DYNC1I1: variants seen among roughly 807,000 people sequenced by gnomAD.
The protein encoded by DYNC1I1 is cytoplasmic dynein 1 intermediate chain 1.
DYNC1I1 carries 43 observed loss-of-function variants against 86.6 expected under a neutral mutation model. The ratio of observed to expected loss-of-function variants is 0.50; its 90% CI spans 0.39 to 0.64. The LOEUF (loss-of-function observed/expected upper bound fraction) is 0.64, where lower values mean the gene tolerates loss of function less well. Among genes scored for constraint, DYNC1I1 ranks in the 30% least tolerant of loss-of-function variants. The pLI is 0.00. For synonymous variants in DYNC1I1, 262 were observed against 283.7 expected (o/e 0.92, Z 0.77); for missense variants, 604 against 788.8 (o/e 0.77, Z 2.81).
In DYNC1I1 at chr7:95,887,709, A is replaced by G. The variant is rs1008772519; in HGVS notation, c.490+17711A>G. Reference sequence around the variant, plus strand: ...TCTGTCTTTGGAGAAAAGAGTTAATATCCTCCATTTCTGATGATGCTTGAA... The same window carrying G: ...TCTGTCTTTGGAGAAAAGAGTTAATGTCCTCCATTTCTGATGATGCTTGAA... On this transcript the variant is annotated intron_variant, in intron 6 of 16. Transcript: ENST00000447467. Among the ~76,000 whole-genome samples the G allele has an allele frequency of 2.0e-5, 3 of 152,148 alleles. No homozygotes were observed. The East Asian group carries it at 5.8e-4, about 29-fold the overall frequency.
intron 6 of DYNC1I1, among the ~76,000 whole-genome samples, chr7:95,927,471 A>C (rs10263632): frequency 2.0e-4 from 31 of 152,312 alleles, no homozygotes; most frequent in African/African-American, 7.5e-4. Flanking sequence ...TTATTGGATT[A>C]ACTGAGAATA....
chr7:95,922,613 G>A (rs1791640279), intron 6 of DYNC1I1, among the ~76,000 whole-genome samples: 1 of 152,020 alleles, frequency 6.6e-6, no homozygotes, highest in Non-Finnish European at 1.5e-5. Context: ...ACAACGAGCT[G>A]GGACATATGT....
rs956592817 is a variant in DYNC1I1 at position 95,829,345 on chromosome 7, C to T, written c.374+1229C>T. 5.3e-5 allele frequency among the ~76,000 whole-genome samples: 8 copies of T among 152,020 alleles called. No individual in the cohort carries two copies. The East Asian group carries it at 5.8e-4, about 11-fold the overall frequency. On this transcript the variant is annotated intron_variant, in intron 5 of 16. Transcript: ENST00000447467. The stretch of plus-strand genomic sequence containing the variant: ...GGAAATATCCTAACATTTAGGTAAC[C>T]GATGCACTATTTCTTTTTTAACCTT...
chr7:96,004,238 T>A (rs1794085894), intron 10 of DYNC1I1, among the ~76,000 whole-genome samples: 3 of 152,214 alleles, frequency 2.0e-5, no homozygotes, highest in Admixed American at 2.0e-4. Flanking sequence ...GTTCATTATT[T>A]GCCAAAGACT....
At chr7:96,027,680 G>C (rs1189800136) in intron 10 of DYNC1I1, among the ~76,000 whole-genome samples, 1 of 152,052 alleles carries the variant, frequency 6.6e-6, no homozygotes, top group Non-Finnish European at 1.5e-5. Context: ...TACATTAAGG[G>C]AAAAACAAAA....
chr7:95,798,747 C>T (rs1322862049), intron 1 of DYNC1I1, among the ~76,000 whole-genome samples: 4 of 152,112 alleles, frequency 2.6e-5, no homozygotes, highest in Non-Finnish European at 4.4e-5. Context: ...AAAAGCTAAG[C>T]TTTGGGAGGT....
intron 6 of DYNC1I1, among the ~76,000 whole-genome samples, chr7:95,922,442 C>G (rs376705328): frequency 6.6e-6 from 1 of 152,052 alleles, no homozygotes. Context: ...CTATTTTGCT[C>G]GGTTTGCCTT....
At chr7:95,902,658 A>G (rs181871617) in intron 6 of DYNC1I1, among the ~76,000 whole-genome samples, 9 of 152,262 alleles carry the variant, frequency 5.9e-5, no homozygotes, top group African/African-American at 9.6e-5. Flanking sequence ...GCATTTTTTT[A>G]TAGTATTATT....
chr7:96,015,700 A>G (rs185404174), intron 10 of DYNC1I1, among the ~76,000 whole-genome samples: 2 of 152,202 alleles, frequency 1.3e-5, no homozygotes, highest in African/African-American at 4.8e-5. Context: ...AAATGAACCC[A>G]CAAGGACACA....
At chr7:95,890,548 C>T (rs184308662) in intron 6 of DYNC1I1, among the ~76,000 whole-genome samples, 135 of 151,626 alleles carry the variant, frequency 8.9e-4, no homozygotes, top group Non-Finnish European at 1.6e-3. Flanking sequence ...ACAAATTTAC[C>T]CATATAAAAA....
At chr7:95,877,409 C>A (rs1790339457) in intron 6 of DYNC1I1, among the ~76,000 whole-genome samples, 1 of 152,182 alleles carries the variant, frequency 6.6e-6, no homozygotes. Flanking sequence ...GTACCCTACT[C>A]TCCCACACAG....
At chr7:95,955,343 G>T (rs1208557510) in intron 6 of DYNC1I1, among the ~76,000 whole-genome samples, 6 of 151,348 alleles carry the variant, frequency 4.0e-5, no homozygotes, top group African/African-American at 1.5e-4. Flanking sequence ...TTTTTTTAAA[G>T]ACAAGATCCC....
At chr7:95,977,487 G>A in intron 6 of DYNC1I1, 25 bp from the exon 7 acceptor site, 1 of 1,602,592 alleles carries the variant, frequency 6.2e-7, no homozygotes, top group Non-Finnish European at 8.5e-7. Flanking sequence ...AGAAAATATT[G>A]TATTTTTCTC....
intron 5 of DYNC1I1, among the ~76,000 whole-genome samples, chr7:95,856,454 T>G (rs983782983): frequency 1.3e-5 from 2 of 152,210 alleles, no homozygotes; most frequent in Non-Finnish European, 2.9e-5. Flanking sequence ...AAGCAGATAA[T>G]GTACTACAGA....
chr7:95,792,569 C>G (rs1480088586), intron 1 of DYNC1I1, among the ~76,000 whole-genome samples: 2 of 152,214 alleles, frequency 1.3e-5, no homozygotes, highest in Non-Finnish European at 2.9e-5. Flanking sequence ...CTTCATTCTT[C>G]ATGAAGCCTA....
At chr7:95,936,324 A>G (rs921905614) in intron 6 of DYNC1I1, among the ~76,000 whole-genome samples, 23 of 152,002 alleles carry the variant, frequency 1.5e-4, no homozygotes, top group African/African-American at 5.3e-4. Context: ...GTAATGAACC[A>G]TTTCCCTGGA....
At chr7:96,049,722 A>G (rs1172913311) in intron 14 of DYNC1I1, among the ~76,000 whole-genome samples, 1 of 152,148 alleles carries the variant, frequency 6.6e-6, no homozygotes, top group African/African-American at 2.4e-5. Flanking sequence ...CTGCAATATA[A>G]TACTTTGTTG....
intron 5 of DYNC1I1, among the ~76,000 whole-genome samples, chr7:95,868,182 G>A (rs570065713): frequency 1.3e-5 from 2 of 152,328 alleles, no homozygotes; most frequent in East Asian, 3.9e-4. Flanking sequence ...TCAGGCCTGC[G>A]TGGAGCCTGG....
At chr7:95,980,320 T>A (rs1289748954) in intron 7 of DYNC1I1, among the ~76,000 whole-genome samples, 2 of 151,438 alleles carry the variant, frequency 1.3e-5, no homozygotes, top group Admixed American at 6.6e-5. Flanking sequence ...TTTTTTTTTT[T>A]AAAGCAAGAC....
Sources: allele counts gnomAD v4.1 joint callset (sites outside exome capture counted in the v4.1 genomes callset), GRCh38; gene constraint gnomAD v4.1.1; transcripts MANE v1.5; gene names NCBI Gene and HGNC (gene_info 2026-07-23, HGNC 2026-07-21).